The following KCNAB1 variants were observed in gnomAD, a reference collection of about 807,000 sequenced individuals.
KCNAB1 encodes potassium voltage-gated channel subfamily A regulatory beta subunit 1.
KCNAB1 carries 35 observed loss-of-function variants against 64.6 expected under a neutral mutation model. The observed-to-expected ratio is 0.54, with a 90% CI of 0.41 to 0.72. The LOEUF (loss-of-function observed/expected upper bound fraction) is 0.72. KCNAB1 is among the 30% of genes least tolerant of loss of function. The probability of loss-of-function intolerance (pLI) is 0.00; values close to 1 mark genes in which losing one functional copy is unlikely to be tolerated. For synonymous variants in KCNAB1, 177 were observed against 183.8 expected, an observed-to-expected ratio of 0.96 and a Z score of 0.30; for missense variants, 401 against 512.9, an observed-to-expected ratio of 0.78 and a Z score of 2.11.
intron 1 of KCNAB1, among the ~76,000 whole-genome samples, chr3:156,343,611 A>G (rs1230042327): frequency 2.0e-5 from 3 of 152,204 alleles, no homozygotes; most frequent in Admixed American, 6.5e-5. Context: ...ACTGTAGCTG[A>G]GACCTTCCCT....
chr3:156,173,972 A>G (rs1055189346), intron 1 of KCNAB1, among the ~76,000 whole-genome samples: 5 of 152,206 alleles, frequency 3.3e-5, no homozygotes, highest in Non-Finnish European at 7.3e-5. Context: ...AGACAGTGAC[A>G]TATACCATTG....
intron 1 of KCNAB1, among the ~76,000 whole-genome samples, chr3:156,220,339 G>T (rs1715631910): frequency 6.6e-6 from 1 of 152,192 alleles, no homozygotes; most frequent in African/African-American, 2.4e-5. Context: ...CACCAACAGT[G>T]TAAAAGCATT....
intron 1 of KCNAB1, among the ~76,000 whole-genome samples, chr3:156,404,125 T>C (rs1714086540): frequency 6.6e-6 from 1 of 152,212 alleles, no homozygotes; most frequent in Non-Finnish European, 1.5e-5. Context: ...AACGTGTATA[T>C]TGGAGTTTAA....
intron 1 of KCNAB1, among the ~76,000 whole-genome samples, chr3:156,420,332 T>A (rs1239511929): frequency 6.6e-6 from 1 of 152,258 alleles, no homozygotes; most frequent in Non-Finnish European, 1.5e-5. Context: ...CAACTAGTTG[T>A]GACAACGGGT....
intron 1 of KCNAB1, among the ~76,000 whole-genome samples, chr3:156,155,174 A>G (rs901795522): frequency 6.6e-6 from 1 of 152,136 alleles, no homozygotes; most frequent in Non-Finnish European, 1.5e-5. Context: ...TTTTTGGTAC[A>G]CTATCTATTT....
intron 1 of KCNAB1, among the ~76,000 whole-genome samples, chr3:156,244,239 A>G (rs1717329825): frequency 6.6e-6 from 1 of 152,192 alleles, no homozygotes; most frequent in Non-Finnish European, 1.5e-5. Context: ...TTCTAAGGTC[A>G]CGTCCATTTC....
At chr3:156,477,703 A>G (rs1056710263) in intron 8 of KCNAB1, among the ~76,000 whole-genome samples, 11 of 152,174 alleles carry the variant, frequency 7.2e-5, no homozygotes, top group African/African-American at 2.7e-4. Context: ...GTTTGATATA[A>G]GTCTCTGGAA....
intron 1 of KCNAB1, chr3:156,291,787 C>T (rs1720445593): frequency 3.3e-6 from 5 of 1,526,122 alleles, no homozygotes; most frequent in Non-Finnish European, 3.5e-6. Context: ...TGACGGCATC[C>T]CCAGGAAGGG....
intron 8 of KCNAB1, among the ~76,000 whole-genome samples, chr3:156,505,508 C>G (rs537185815): frequency 1.3e-5 from 2 of 152,228 alleles, no homozygotes; most frequent in South Asian, 4.2e-4. Flanking sequence ...GTCGTTTTAA[C>G]AGTATTAACT....
chr3:156,280,049 A>G (rs1156899685), intron 1 of KCNAB1, among the ~76,000 whole-genome samples: 1 of 147,848 alleles, frequency 6.8e-6, no homozygotes, highest in Non-Finnish European at 1.5e-5. Flanking sequence ...GCCCATGCCT[A>G]TGTCCTGAAT....
In KCNAB1 at chr3:156,508,387, C is replaced by T. The variant is rs1044018223; in HGVS notation, c.659-5977C>T. ...CTATTTGCTTACAACTTTCAAAGTT[C>T]TAGGGAACATTTTGCAGGAAAAAAA... is the stretch of plus-strand genomic sequence containing the variant. On this transcript the variant is annotated intron_variant, in intron 8 of 13. Coordinates refer to ENST00000490337, the MANE Select transcript of KCNAB1 (RefSeq NM_172160.3). The surrounding 1 kb of genome is among the most constrained non-coding windows in gnomAD (Gnocchi z 4.1). 3.3e-5 allele frequency among the ~76,000 whole-genome samples: 5 copies of T among 152,110 alleles called. No individual in the cohort carries two copies. Among genetic ancestry groups the T allele is most frequent in the African/African-American group, 1.2e-4 (5 of 41,434 alleles).
intron 1 of KCNAB1, among the ~76,000 whole-genome samples, chr3:156,287,567 C>T (rs143762275): frequency 1.3e-5 from 2 of 152,252 alleles, no homozygotes; most frequent in African/African-American, 2.4e-5. Flanking sequence ...CATAGTGACT[C>T]ACACCTATAA....
chr3:156,218,332 A>C (rs554249549), intron 1 of KCNAB1, among the ~76,000 whole-genome samples: 100 of 152,302 alleles, frequency 6.6e-4, no homozygotes, highest in African/African-American at 2.4e-3. Context: ...CACAGCAGCC[A>C]CAGCAAGCCC....
At chr3:156,364,245 C>T (rs747593043) in intron 1 of KCNAB1, among the ~76,000 whole-genome samples, 1 of 152,128 alleles carries the variant, frequency 6.6e-6, no homozygotes, top group Non-Finnish European at 1.5e-5. Flanking sequence ...TCTCTCAGAG[C>T]AATTGAGATA....
intron 1 of KCNAB1, among the ~76,000 whole-genome samples, chr3:156,415,256 G>C (rs1290325079): frequency 6.6e-6 from 1 of 152,164 alleles, no homozygotes; most frequent in Non-Finnish European, 1.5e-5. Context: ...AAATAAGAAA[G>C]GCAGAAAGCA....
intron 1 of KCNAB1, among the ~76,000 whole-genome samples, chr3:156,223,325 G>T (rs1022275314): frequency 6.6e-6 from 1 of 152,334 alleles, no homozygotes; most frequent in South Asian, 2.1e-4. Flanking sequence ...GCCATTGCTG[G>T]CTTGGGCAGC....
intron 1 of KCNAB1, among the ~76,000 whole-genome samples, chr3:156,275,700 A>T (rs1345132890): frequency 6.6e-6 from 1 of 152,212 alleles, no homozygotes; most frequent in Admixed American, 6.5e-5. Flanking sequence ...TTCTTTGCTC[A>T]TTCATAAGAA....
intron 1 of KCNAB1, among the ~76,000 whole-genome samples, chr3:156,134,528 T>C (rs1276392067): frequency 6.6e-6 from 1 of 152,242 alleles, no homozygotes. Context: ...GTTCATTTGT[T>C]CATTCTTGGT....
chr3:156,536,661 C>A lies in KCNAB1; in HGVS notation c.1174C>A (p.Leu392Ile). ...GTACTTCTCCTCCTGCTCTCAGGTTCTCCCAAAGATGACATCACATGTGGT... is the reference window on the plus strand; with the variant it reads ...GTACTTCTCCTCCTGCTCTCAGGTTATCCCAAAGATGACATCACATGTGGT... The part of the protein sequence containing the change: ...LIENLGAIQV[L>I]PKMTSHVVNE... Residue 392 changes from leucine (L) to isoleucine (I), a missense_variant, in exon 14 of 14, where the codon CTC (leucine) becomes ATC (isoleucine). Coordinates refer to ENST00000490337, the MANE Select transcript of KCNAB1 (RefSeq NM_172160.3). 1 of 1,607,896 alleles carries A rather than the reference C, an allele frequency of 6.2e-7. No individual in the cohort carries two copies. The highest frequency in any genetic ancestry group is 8.5e-7 in the Non-Finnish European group (1 of 1,174,296).
Sources: gnomAD v4.1 joint callset for allele counts (sites outside exome capture counted in the v4.1 genomes callset) on GRCh38, gnomAD v4.1.1 for gene constraint, Gnocchi (gnomAD v3.1) non-coding constraint, MANE v1.5 for transcripts, NCBI Gene and HGNC (gene_info 2026-07-23, HGNC 2026-07-21) for gene names.